Variants in TMEM132C observed in about 807,000 individuals in gnomAD.
TMEM132C encodes the protein transmembrane protein 132C.
A neutral mutation model predicts 61.4 loss-of-function variants in TMEM132C; 29 were observed. The ratio of observed to expected loss-of-function variants is 0.47; its 90% CI spans 0.35 to 0.64. The LOEUF (loss-of-function observed/expected upper bound fraction) is 0.64. Among genes scored for constraint, TMEM132C ranks in the 30% least tolerant of loss-of-function variants. The probability of loss-of-function intolerance (pLI) is 0.00; values close to 1 mark genes in which losing one functional copy is unlikely to be tolerated. For missense variants in TMEM132C, 1,408 were observed against 1,476.9 expected, an observed-to-expected ratio of 0.95 and a Z score of 0.76; for synonymous variants, 656 against 633.1, an observed-to-expected ratio of 1.04 and a Z score of -0.54.
chr12:128,291,900 A>G (rs1871257234), intron 1 of TMEM132C, among the ~76,000 whole-genome samples: 1 of 152,198 alleles, frequency 6.6e-6, no homozygotes, highest in Admixed American at 6.5e-5. Context: ...AGTGATGGCC[A>G]GGGCGTCTCA....
rs118179949 is a variant in TMEM132C, at chr12:128,397,475, G to A, written c.86-17257G>A. On this transcript the variant is annotated intron_variant, in intron 1 of 8. Coordinates refer to ENST00000435159, the MANE Select transcript of TMEM132C (RefSeq NM_001136103.3). ...TGTAGCAAGGCAGGCAGCAGTGAAA[G>A]GTCATACGAGGGGGTCTATATTCCA... is the stretch of plus-strand genomic sequence containing the variant. 4.8e-3 allele frequency among the ~76,000 whole-genome samples: 727 copies of A among 152,280 alleles called. 7 individuals carry two copies. The highest frequency in any genetic ancestry group is 0.036 in the East Asian group (188 of 5,164).
At chr12:128,356,139 G>A (rs944975866) in intron 1 of TMEM132C, among the ~76,000 whole-genome samples, 10 of 152,192 alleles carry the variant, frequency 6.6e-5, no homozygotes, top group Admixed American at 6.5e-5. Flanking sequence ...TTGGATGGTC[G>A]GATTCTTTCT....
intron 4 of TMEM132C, among the ~76,000 whole-genome samples, chr12:128,631,775 G>A (rs561793417): frequency 1.3e-5 from 2 of 152,226 alleles, no homozygotes; most frequent in South Asian, 2.1e-4. Flanking sequence ...CTCAGGCATA[G>A]TTTCCCAAAG....
intron 3 of TMEM132C, among the ~76,000 whole-genome samples, chr12:128,552,733 C>G (rs1020680233): frequency 4.6e-5 from 7 of 152,080 alleles, no homozygotes; most frequent in Admixed American, 1.3e-4. Flanking sequence ...GCAGGCCAAC[C>G]CTGCCTCTAC....
At chr12:128,399,747 A>G (rs1308268636) in intron 1 of TMEM132C, among the ~76,000 whole-genome samples, 1 of 151,828 alleles carries the variant, frequency 6.6e-6, no homozygotes, top group Non-Finnish European at 1.5e-5. Context: ...GCCCACCACC[A>G]GTTTCTGTGT....
chr12:128,649,727 T>C (rs1047399041), intron 4 of TMEM132C, among the ~76,000 whole-genome samples: 1 of 152,244 alleles, frequency 6.6e-6, no homozygotes, highest in African/African-American at 2.4e-5. Flanking sequence ...CTCAGGCAAG[T>C]TGGTGCCACT....
At chr12:128,554,368 C>G (rs1874267112) in intron 3 of TMEM132C, among the ~76,000 whole-genome samples, 1 of 152,204 alleles carries the variant, frequency 6.6e-6, no homozygotes. Flanking sequence ...TCTTTAGGCT[C>G]TAGAGCCTTC....
At chr12:128,314,834 A>C (rs887617447) in intron 1 of TMEM132C, among the ~76,000 whole-genome samples, 1 of 152,124 alleles carries the variant, frequency 6.6e-6, no homozygotes. Flanking sequence ...TCTGAGAATA[A>C]ATTTCCATTG....
At chr12:128,503,885 T>C (rs1220680386) in intron 2 of TMEM132C, among the ~76,000 whole-genome samples, 1 of 152,194 alleles carries the variant, frequency 6.6e-6, no homozygotes, top group African/African-American at 2.4e-5. Context: ...ACAACCATCA[T>C]TTTATTGTCT....
At chr12:128,622,835 C>T (rs563581412) in intron 4 of TMEM132C, among the ~76,000 whole-genome samples, 5 of 152,270 alleles carry the variant, frequency 3.3e-5, no homozygotes, top group South Asian at 4.1e-4. Flanking sequence ...AACATCTCGT[C>T]CTGATCTCCA....
chr12:128,395,453 C>T (rs938562399), intron 1 of TMEM132C, among the ~76,000 whole-genome samples: 4 of 152,138 alleles, frequency 2.6e-5, no homozygotes, highest in Non-Finnish European at 4.4e-5. Context: ...AGATGCTTCT[C>T]TACTTATGAT....
chr12:128,499,953 A>C (rs1043451853), intron 2 of TMEM132C, among the ~76,000 whole-genome samples: 1 of 152,194 alleles, frequency 6.6e-6, no homozygotes, highest in African/African-American at 2.4e-5. Context: ...GTTTTTGAGG[A>C]GCCTCCATAC....
intron 5 of TMEM132C, among the ~76,000 whole-genome samples, chr12:128,681,908 GAT>G (rs981187152): frequency 6.9e-6 from 1 of 145,600 alleles, no homozygotes; most frequent in African/African-American, 2.5e-5. Context: ...GACCTTAAGT[GAT>G]CCACCCACCT....
chr12:128,337,243 T>C (rs1043141764), intron 1 of TMEM132C, among the ~76,000 whole-genome samples: 2 of 152,152 alleles, frequency 1.3e-5, no homozygotes, highest in Non-Finnish European at 2.9e-5. Context: ...AAGATTATAG[T>C]GTCTGGCTTA....
At chr12:128,541,615 C>T (rs567519434) in intron 2 of TMEM132C, among the ~76,000 whole-genome samples, 21 of 152,152 alleles carry the variant, frequency 1.4e-4, no homozygotes, top group Non-Finnish European at 2.1e-4. Context: ...CAGCATATCA[C>T]GGTCTTTATA....
At chr12:128,406,724 A>G (rs1875360065) in intron 1 of TMEM132C, among the ~76,000 whole-genome samples, 1 of 152,210 alleles carries the variant, frequency 6.6e-6, no homozygotes, top group Admixed American at 6.5e-5. Flanking sequence ...ATATAACCCT[A>G]CTTGCACCCT....
chr12:128,493,327 A>G (rs936612962), intron 2 of TMEM132C, among the ~76,000 whole-genome samples: 1 of 152,210 alleles, frequency 6.6e-6, no homozygotes, highest in Non-Finnish European at 1.5e-5. Context: ...TGTCTTCGCA[A>G]TGTGGAATGT....
chr12:128,399,508 A>G (rs1404566083), intron 1 of TMEM132C, among the ~76,000 whole-genome samples: 1 of 152,212 alleles, frequency 6.6e-6, no homozygotes, highest in Non-Finnish European at 1.5e-5. Context: ...ATACAACTCT[A>G]AATCCCTCCA....
At chr12:128,407,883 AT>A (rs1468080891) in intron 1 of TMEM132C, among the ~76,000 whole-genome samples, 11 of 151,386 alleles carry the variant, frequency 7.3e-5, no homozygotes, top group Non-Finnish European at 3.0e-5. Flanking sequence ...ATGGGGTGCC[AT>A]TTTTTAATTG....
Sources: allele counts gnomAD v4.1 joint callset (sites outside exome capture counted in the v4.1 genomes callset), GRCh38; gene constraint gnomAD v4.1.1; transcripts MANE v1.5; gene names NCBI Gene and HGNC (gene_info 2026-07-23, HGNC 2026-07-21).